The following UGT1A6 variants were observed in gnomAD, a reference collection of about 807,000 sequenced individuals.
UGT1A6 encodes UDP glucuronosyltransferase family 1 member A6.
UGT1A6 carries 32 observed loss-of-function variants against 44.4 expected under a neutral mutation model. The ratio of observed to expected loss-of-function variants is 0.72; its 90% CI spans 0.54 to 0.97. UGT1A6 has a LOEUF of 0.97. Among genes scored for constraint, UGT1A6 ranks in the 50% least tolerant of loss-of-function variants. The probability of loss-of-function intolerance (pLI) is 0.00; values close to 1 mark genes in which losing one functional copy is unlikely to be tolerated. For missense variants in UGT1A6, 685 were observed against 661.9 expected (o/e 1.03, Z -0.38); for synonymous variants, 238 against 248.5 (o/e 0.96, Z 0.40).
At chr2:233,754,113 C>T (rs1185376783) in intron 1 of UGT1A6, among the ~76,000 whole-genome samples, 1 of 152,168 alleles carries the variant, frequency 6.6e-6, no homozygotes, top group Non-Finnish European at 1.5e-5. Flanking sequence ...TCCTACATCA[C>T]GAGCATTTAT....
intron 1 of UGT1A6, among the ~76,000 whole-genome samples, chr2:233,735,969 A>C (rs1327406953): frequency 2.0e-5 from 3 of 152,092 alleles, no homozygotes; most frequent in Admixed American, 2.0e-4. Context: ...AACTTTGGTG[A>C]ATCTGACAAT....
intron 1 of UGT1A6, among the ~76,000 whole-genome samples, chr2:233,752,809 C>T (rs1695067711): frequency 6.6e-6 from 1 of 152,224 alleles, no homozygotes. Flanking sequence ...AGAAGGAACA[C>T]TTCCCATTTA....
intron 1 of UGT1A6, among the ~76,000 whole-genome samples, chr2:233,705,905 T>G (rs1056214511): frequency 3.3e-5 from 5 of 152,030 alleles, no homozygotes; most frequent in Admixed American, 3.3e-4. Flanking sequence ...CTGGCCAAAA[T>G]AGTGAAACTC....
chr2:233,702,649 G>C (rs2075698422), intron 1 of UGT1A6, among the ~76,000 whole-genome samples: 1 of 152,092 alleles, frequency 6.6e-6, no homozygotes, highest in African/African-American at 2.4e-5. Context: ...TCTATTCCTA[G>C]CTCGTTGAGT....
At chr2:233,743,553 T>TA in intron 1 of UGT1A6, 1 of 1,367,178 alleles carries the variant, frequency 7.3e-7, no homozygotes, top group Non-Finnish European at 9.8e-7. Context: ...CCCCCCAAAA[T>TA]ATTCTCCAGC....
At chr2:233,713,916 G>T in intron 1 of UGT1A6, 1 of 1,612,412 alleles carries the variant, frequency 6.2e-7, no homozygotes, top group Non-Finnish European at 8.5e-7. Context: ...TTTAAAAAAT[G>T]TATTTACTTA....
intron 1 of UGT1A6, among the ~76,000 whole-genome samples, chr2:233,735,163 G>C (rs2078615776): frequency 7.0e-6 from 1 of 143,406 alleles, no homozygotes. Context: ...CTCTGTGTAG[G>C]TCTCTAAGAA....
At position 233,693,901 on chromosome 2, in the gene UGT1A6, C is replaced by T. The variant is rs780268498; in HGVS notation, c.861+36C>T. On this transcript the variant is annotated intron_variant, in intron 1 of 4. Transcript: ENST00000305139. ...TTATTTCTTTTGGACTGCCTTGTTT[C>T]TTCCAGGCTCTGTCCTCCCTCACTC... is the stretch of plus-strand genomic sequence containing the variant. The T allele has an allele frequency of 3.7e-6, 6 of 1,613,394 alleles. No homozygotes were observed. The South Asian group carries it at 5.5e-5, about 15-fold the overall frequency.
At chr2:233,719,697 G>C (rs768448140) in intron 1 of UGT1A6, 2 of 1,613,928 alleles carry the variant, frequency 1.2e-6, no homozygotes, top group East Asian at 4.5e-5. Flanking sequence ...GGTCTGTATT[G>C]GTGCCTTCAT....
In UGT1A6 at chr2:233,719,134, A is replaced by G. The variant is rs566867363; in HGVS notation, c.861+25269A>G. ...ACTCAAGGGTTCTTTGAAACAGAACATCTTCTGAAGAGATATTCTAGAAGT... is the reference window on the plus strand; with the variant it reads ...ACTCAAGGGTTCTTTGAAACAGAACGTCTTCTGAAGAGATATTCTAGAAGT... On this transcript the variant is annotated intron_variant, in intron 1 of 4. Transcript: ENST00000305139. 20 of 1,614,272 alleles carry G rather than the reference A, an allele frequency of 1.2e-5. No individual in the cohort carries two copies. The East Asian group carries it at 1.8e-4, about 14-fold the overall frequency.
intron 1 of UGT1A6, among the ~76,000 whole-genome samples, chr2:233,735,215 A>G (rs1250944794): frequency 6.6e-6 from 1 of 152,166 alleles, no homozygotes; most frequent in Non-Finnish European, 1.5e-5. Flanking sequence ...GGGTGCATAT[A>G]TATTTAGGAT....
chr2:233,752,553 G>A (rs189829864), intron 1 of UGT1A6: 3 of 152,252 alleles, frequency 2.0e-5, no homozygotes, highest in East Asian at 1.9e-4. Flanking sequence ...CTCTTGCTGG[G>A]ACAACATAGT....
rs2075119430 is a variant in UGT1A6, at chr2:233,692,904, C to T, written c.-101C>T. 1.9e-6 allele frequency: 3 copies of T among 1,547,216 alleles called. No homozygotes were observed. The highest frequency in any genetic ancestry group is 4.5e-5 in the East Asian group (2 of 44,592). ...CAGAGCAAGGGAGAGGTAGACAGGA[C>T]CTGTGAAAAGCAGTGGTTAGTTTAG... On this transcript the variant is annotated 5_prime_UTR_variant, in exon 1 of 5. Transcript: ENST00000305139.
chr2:233,766,546 G>A (rs1699179284), intron 1 of UGT1A6, among the ~76,000 whole-genome samples: 1 of 152,192 alleles, frequency 6.6e-6, no homozygotes, highest in Admixed American at 6.5e-5. Flanking sequence ...AAAAATGCCT[G>A]TCCTCACCTA....
At chr2:233,738,529 A>G (rs1383931470) in intron 1 of UGT1A6, among the ~76,000 whole-genome samples, 2 of 152,226 alleles carry the variant, frequency 1.3e-5, no homozygotes, top group African/African-American at 4.8e-5. Context: ...TGGACAATGA[A>G]GTCCAGGCTG....
intron 1 of UGT1A6, among the ~76,000 whole-genome samples, chr2:233,724,399 C>T (rs1329746304): frequency 1.5e-4 from 22 of 142,970 alleles, no homozygotes; most frequent in African/African-American, 5.2e-4. Flanking sequence ...CCTCACTTCC[C>T]AGATGGGGTG....
intron 1 of UGT1A6, among the ~76,000 whole-genome samples, chr2:233,710,674 T>C (rs938811866): frequency 6.6e-6 from 1 of 152,206 alleles, no homozygotes; most frequent in Non-Finnish European, 1.5e-5. Context: ...CAGATAGTTG[T>C]GTTTCTGTTT....
At position 233,773,233 on chromosome 2, in the gene UGT1A6, G is replaced by A. The variant is rs1473113676; in HGVS notation, c.*674G>A. 1 of 152,016 alleles carries A rather than the reference G, an allele frequency of 6.6e-6. No homozygotes were observed. The highest frequency in any genetic ancestry group is 1.5e-5 in the Non-Finnish European group (1 of 67,958). The allele number at this position is 152,016 out of a possible 1,614,324, so 9.4% of individuals were successfully genotyped here. ...CCCAAAATACAGCTATGAAGTGCTGGGCAAGTTTACTTTTTTTCTGATGTT... is the reference window on the plus strand; with the variant it reads ...CCCAAAATACAGCTATGAAGTGCTGAGCAAGTTTACTTTTTTTCTGATGTT... On this transcript the variant is annotated 3_prime_UTR_variant, in exon 5 of 5. Transcript: ENST00000305139.
intron 1 of UGT1A6, chr2:233,761,270 C>T (rs990068200): frequency 1.9e-6 from 3 of 1,591,968 alleles, no homozygotes; most frequent in Non-Finnish European, 2.6e-6. Context: ...AAAATGCCCT[C>T]TTTTGTTAAT....
Sources: gnomAD v4.1 joint callset for allele counts (sites outside exome capture counted in the v4.1 genomes callset) on GRCh38, gnomAD v4.1.1 for gene constraint, MANE v1.5 for transcripts, NCBI Gene and HGNC (gene_info 2026-07-23, HGNC 2026-07-21) for gene names.